The following GLIS1 variants were observed in gnomAD, a reference collection of about 807,000 sequenced individuals.
GLIS1 encodes the protein zinc finger protein GLIS1.
Under a neutral mutation model 63.8 loss-of-function variants are expected in GLIS1, and 24 were observed. The observed-to-expected ratio is 0.38, with a 90% confidence interval of 0.27 to 0.53. GLIS1 has a LOEUF of 0.53. Among genes scored for constraint, GLIS1 ranks in the 20% least tolerant of loss-of-function variants. GLIS1 has a pLI of 0.85. For missense variants in GLIS1, 1,036 were observed against 1,074.1 expected, an observed-to-expected ratio of 0.96 and a Z score of 0.50; for synonymous variants, 450 against 482.5, an observed-to-expected ratio of 0.93 and a Z score of 0.88.
At chr1:53,738,733 C>A (rs1362571110) in intron 1 of GLIS1, among the ~76,000 whole-genome samples, 2 of 152,238 alleles carry the variant, frequency 1.3e-5, no homozygotes, top group African/African-American at 4.8e-5. Flanking sequence ...CATTCCTATG[C>A]GCAGCGGAGG....
At chr1:53,697,580 C>T (rs574088749) in intron 2 of GLIS1, among the ~76,000 whole-genome samples, 72 of 152,308 alleles carry the variant, frequency 4.7e-4, no homozygotes, top group Admixed American at 9.1e-4. Flanking sequence ...CTGCTCAGGG[C>T]TCGAGAAGCA....
At chr1:53,724,521 C>A (rs549249475) in intron 2 of GLIS1, among the ~76,000 whole-genome samples, 88 of 152,124 alleles carry the variant, frequency 5.8e-4, no homozygotes, top group Admixed American at 3.2e-3. Flanking sequence ...ACAAGATGAT[C>A]TTTTATTTTA....
At chr1:53,711,922 T>C (rs1646650936) in intron 2 of GLIS1, among the ~76,000 whole-genome samples, 2 of 152,218 alleles carry the variant, frequency 1.3e-5, no homozygotes, top group Admixed American at 6.5e-5. Context: ...TGATGATCCC[T>C]ACAGGCCTTC....
intron 4 of GLIS1, among the ~76,000 whole-genome samples, chr1:53,558,231 A>G (rs1200472177): frequency 6.6e-6 from 1 of 152,248 alleles, no homozygotes; most frequent in Non-Finnish European, 1.5e-5. Context: ...CGATGCAGGA[A>G]GAGTAACTTA....
chr1:53,600,379 G>A, intron 2 of GLIS1, 101 bp from the exon 3 acceptor site: 1 of 633,664 alleles, frequency 1.6e-6, no homozygotes, highest in Non-Finnish European at 2.3e-6. Context: ...AAGGGACAGG[G>A]CACCCAGAGC....
At chr1:53,564,750 A>T (rs1035030284) in intron 4 of GLIS1, among the ~76,000 whole-genome samples, 1 of 152,102 alleles carries the variant, frequency 6.6e-6, no homozygotes, top group South Asian at 2.1e-4. Context: ...ATTATTAGGG[A>T]TAGATTGATT....
At chr1:53,636,784 T>G (rs991650568) in intron 2 of GLIS1, among the ~76,000 whole-genome samples, 2 of 152,230 alleles carry the variant, frequency 1.3e-5, no homozygotes, top group Non-Finnish European at 2.9e-5. Context: ...TGGGAGCCCA[T>G]GCACTCACCT....
chr1:53,594,562 C>G lies in GLIS1; in HGVS notation c.866G>C (p.Gly289Ala). The change falls in exon 4 of 11, where the codon GGG becomes GCG. Residue 289 changes from glycine to alanine, a missense_variant. Transcript: ENST00000628545. ...AGGCCGGGCCCGCTTGGAAGGGCCCCCCAGATCTCCCGTCAGAGGGGGGCT... is the reference window on the plus strand; with the variant it reads ...AGGCCGGGCCCGCTTGGAAGGGCCCGCCAGATCTCCCGTCAGAGGGGGGCT... ...LRSPPLTGDL[G>A]GPSKRARPGP... 6.3e-7 allele frequency: 1 copy of G among 1,599,540 alleles called. No homozygotes were observed. Among genetic ancestry groups the G allele is most frequent in the African/African-American group, 1.3e-5 (1 of 74,706 alleles).
chr1:53,650,380 A>G (rs529069004), intron 2 of GLIS1, among the ~76,000 whole-genome samples: 3 of 152,244 alleles, frequency 2.0e-5, no homozygotes, highest in Non-Finnish European at 4.4e-5. Context: ...ACCTGAAGTC[A>G]GGAGTTCAAG....
At chr1:53,506,830 G>T (rs963504322) in intron 10 of GLIS1, 54 bp from the exon 11 acceptor site, 1 of 1,542,986 alleles carries the variant, frequency 6.5e-7, no homozygotes, top group Non-Finnish European at 8.8e-7. Flanking sequence ...CTGTGCCTGC[G>T]CATGCTTCCC....
At chr1:53,534,691 A>AC (rs1553121676) in intron 4 of GLIS1, among the ~76,000 whole-genome samples, 1 of 100,496 alleles carries the variant, frequency 1.0e-5, no homozygotes, top group Non-Finnish European at 1.9e-5. Flanking sequence ...GCTACTGTGC[A>AC]CCCCCCATCC....
In GLIS1 at chr1:53,509,983, C is replaced by T. The variant is rs574379732; in HGVS notation, c.1928G>A (p.Gly643Glu). Residue 643 changes from glycine (G) to glutamate (E), a missense_variant, in exon 9 of 11, where the codon GGG becomes GAG. Transcript: ENST00000628545. ...TGGGGGCAGCGGCGGTGGCCCCAGCCCCTTCAGGGGGCTGACTATTGGTGA... is the reference window on the plus strand; with the variant it reads ...TGGGGGCAGCGGCGGTGGCCCCAGCTCCTTCAGGGGGCTGACTATTGGTGA... ...LLSPIVSPLK[G>E]LGPPPLPPSS... The T allele has an allele frequency of 7.8e-7, 1 of 1,289,508 alleles. No homozygotes were observed. The highest frequency in any genetic ancestry group is 1.5e-5 in the African/African-American group (1 of 66,162). 79.9% of individuals were successfully genotyped at this position (1,289,508 alleles called of 1,614,324 possible). A position where few individuals can be genotyped will look rare whatever the true frequency, so the allele number is the denominator to read the frequency against.
At chr1:53,734,112 C>T in intron 2 of GLIS1, 3 of 984,972 alleles carry the variant, frequency 3.0e-6, no homozygotes, top group Non-Finnish European at 2.4e-6. Flanking sequence ...GCATTTACAG[C>T]CATGATGGCT....
At chr1:53,719,568 T>G (rs973956418) in intron 2 of GLIS1, among the ~76,000 whole-genome samples, 2 of 152,256 alleles carry the variant, frequency 1.3e-5, no homozygotes, top group Non-Finnish European at 2.9e-5. Context: ...AGACCCACAA[T>G]GCCTACACTA....
Position 53,646,475 on chromosome 1 carries a change from G to A in GLIS1, c.260-46197C>T, listed in dbSNP as rs12408482. 0.17 allele frequency among the ~76,000 whole-genome samples: 25,172 copies of A among 152,072 alleles called. 2,629 individuals carry two copies. Among genetic ancestry groups the A allele is most frequent in the Non-Finnish European group, 0.24 (16,179 of 67,976 alleles). On this transcript the variant is annotated intron_variant, in intron 2 of 10. Coordinates refer to ENST00000628545, the MANE Select transcript of GLIS1 (RefSeq NM_001367484.1). This position sits in a 1 kb window ranked among gnomAD's most constrained non-coding sequence, Gnocchi z 4.2. ...ACATAGAATAACATCAAATACATAC[G>A]GATAAATCTAACACAAGATATACAA...
At chr1:53,577,459 C>T (rs1645043655) in intron 4 of GLIS1, among the ~76,000 whole-genome samples, 2 of 152,314 alleles carry the variant, frequency 1.3e-5, no homozygotes, top group South Asian at 2.1e-4. Flanking sequence ...CTGACAAACA[C>T]GTGAGTCTTA....
At chr1:53,716,471 G>A (rs965300143) in intron 2 of GLIS1, among the ~76,000 whole-genome samples, 1 of 151,888 alleles carries the variant, frequency 6.6e-6, no homozygotes, top group Admixed American at 6.6e-5. Context: ...CAACCTGAAA[G>A]GAGTAACAAC....
intron 4 of GLIS1, among the ~76,000 whole-genome samples, chr1:53,593,467 G>C (rs182091604): frequency 2.0e-5 from 3 of 152,350 alleles, no homozygotes; most frequent in Non-Finnish European, 4.4e-5. Flanking sequence ...GTGTGTGCAC[G>C]TGCGCATGTA....
At chr1:53,687,484 C>A (rs545383801) in intron 2 of GLIS1, among the ~76,000 whole-genome samples, 5 of 152,316 alleles carry the variant, frequency 3.3e-5, no homozygotes, top group South Asian at 2.1e-4. Flanking sequence ...GTTGAGCCCC[C>A]ACAATAACTC....
Sources: allele counts gnomAD v4.1 joint callset (sites outside exome capture counted in the v4.1 genomes callset), GRCh38; gene constraint gnomAD v4.1.1; non-coding constraint Gnocchi (gnomAD v3.1); transcripts MANE v1.5; gene names NCBI Gene and HGNC (gene_info 2026-07-23, HGNC 2026-07-21).